SPIRE1: variants seen among roughly 807,000 people sequenced by gnomAD.
The protein encoded by SPIRE1 is spire type actin nucleation factor 1.
SPIRE1 carries 40 observed loss-of-function variants against 94.1 expected under a neutral mutation model. That is an observed-to-expected ratio of 0.43 (90% CI 0.33 to 0.55). SPIRE1 has a LOEUF of 0.55. SPIRE1 is among the 20% of genes least tolerant of loss of function. The pLI, the probability that SPIRE1 is intolerant of heterozygous loss-of-function variation, is 0.06. For missense variants in SPIRE1, 838 were observed against 975.2 expected (o/e 0.86, Z 1.87); for synonymous variants, 376 against 371.7 (o/e 1.01, Z -0.13).
intron 9 of SPIRE1, among the ~76,000 whole-genome samples, 165 bp downstream of exon 9, chr18:12,485,794 T>C (rs565888760): frequency 6.6e-6 from 1 of 152,280 alleles, no homozygotes; most frequent in South Asian, 2.1e-4. Flanking sequence ...CTTTTTTACA[T>C]ATATTGTTTT....
chr18:12,573,359 A>T (rs572408344), intron 2 of SPIRE1, among the ~76,000 whole-genome samples: 154 of 152,330 alleles, frequency 1.0e-3, no homozygotes, highest in African/African-American at 3.6e-3. Context: ...GTGGAGCAAT[A>T]GGAACTCTCA....
chr18:12,625,001 T>C (rs868423653), intron 2 of SPIRE1, among the ~76,000 whole-genome samples: 2 of 140,158 alleles, frequency 1.4e-5, no homozygotes, highest in South Asian at 2.2e-4. Flanking sequence ...TGTCCCCTGA[T>C]AGACATCTAT....
rs2031376162 is a variant in SPIRE1 at position 12,453,933 on chromosome 18, C to T, written c.1776+413G>A. The stretch of plus-strand genomic sequence containing the variant: ...CCGAGTAGCTGGGATTACAGGCACG[C>T]ACCACCATGCCCAGCTAATTTTTGC... On this transcript the variant is annotated intron_variant, in intron 13 of 16. Transcript: ENST00000409402. Among the ~76,000 whole-genome samples, 3 of 151,936 alleles carry T rather than the reference C, an allele frequency of 2.0e-5. No individual in the cohort carries two copies. The South Asian group carries it at 6.2e-4, about 32-fold the overall frequency.
intron 13 of SPIRE1, 31 bp from the exon 14 acceptor site, chr18:12,453,169 A>AG (rs1218517921): frequency 6.7e-7 from 1 of 1,492,332 alleles, no homozygotes; most frequent in Non-Finnish European, 9.2e-7. Context: ...AGGAAAAAAA[A>AG]CATTGCCAAC....
At chr18:12,633,694 A>C (rs2037842124) in intron 2 of SPIRE1, among the ~76,000 whole-genome samples, 1 of 152,222 alleles carries the variant, frequency 6.6e-6, no homozygotes. Flanking sequence ...TTAAAACAAC[A>C]GTTAAAACTT....
intron 12 of SPIRE1, among the ~76,000 whole-genome samples, chr18:12,460,934 T>C (rs1335011589): frequency 6.6e-6 from 1 of 152,222 alleles, no homozygotes; most frequent in Admixed American, 6.5e-5. Flanking sequence ...TCGTCTCTGC[T>C]GGTGCTTGGA....
At chr18:12,659,585 G>T (rs912086392), upstream of SPIRE1, among the ~76,000 whole-genome samples, 8 of 152,032 alleles carry the variant, frequency 5.3e-5, no homozygotes, top group African/African-American at 1.9e-4. Flanking sequence ...CAGGAGAATC[G>T]CTTGAACCTG....
At chr18:12,517,085 T>C (rs867253784) in intron 4 of SPIRE1, among the ~76,000 whole-genome samples, 30 of 152,364 alleles carry the variant, frequency 2.0e-4, no homozygotes, top group African/African-American at 7.0e-4. Context: ...TTTGATTTTC[T>C]CATATATTAA....
intron 10 of SPIRE1, among the ~76,000 whole-genome samples, chr18:12,466,102 G>T (rs968540106): frequency 9.9e-5 from 15 of 150,930 alleles, no homozygotes; most frequent in Admixed American, 7.3e-4. Context: ...AAAAGAAAAA[G>T]AAAAAGAAAA....
chr18:12,534,471 T>C (rs987477119), intron 4 of SPIRE1, among the ~76,000 whole-genome samples: 1 of 152,218 alleles, frequency 6.6e-6, no homozygotes, highest in Non-Finnish European at 1.5e-5. Flanking sequence ...TATATTTAGA[T>C]GAATGTGTTA....
intron 1 of SPIRE1, among the ~76,000 whole-genome samples, chr18:12,645,300 T>A (rs144771927): frequency 5.9e-5 from 9 of 152,236 alleles, no homozygotes; most frequent in African/African-American, 2.2e-4. Context: ...CAAAGGAGCT[T>A]GGTGGGAATC....
chr18:12,527,925 G>A (rs2034571396), intron 4 of SPIRE1, among the ~76,000 whole-genome samples: 2 of 152,028 alleles, frequency 1.3e-5, no homozygotes, highest in South Asian at 4.1e-4. Context: ...AATTAGCCGG[G>A]CGTGGTGGCG....
At chr18:12,626,439 A>G (rs1327952389) in intron 2 of SPIRE1, among the ~76,000 whole-genome samples, 1 of 152,208 alleles carries the variant, frequency 6.6e-6, no homozygotes, top group Non-Finnish European at 1.5e-5. Context: ...CCTACAGTAC[A>G]GACCCTGTCC....
chr18:12,588,937 GT>G (rs2036458659), intron 2 of SPIRE1, among the ~76,000 whole-genome samples: 1 of 152,110 alleles, frequency 6.6e-6, no homozygotes, highest in Non-Finnish European at 1.5e-5. Context: ...ATTCCGTGTG[GT>G]CAGAGACATG....
intron 2 of SPIRE1, among the ~76,000 whole-genome samples, chr18:12,613,850 C>T (rs1464936745): frequency 2.0e-5 from 3 of 152,208 alleles, no homozygotes; most frequent in Non-Finnish European, 4.4e-5. Context: ...AAGATTGTGC[C>T]ACTACACTCC....
At chr18:12,521,682 C>T (rs1223122040) in intron 4 of SPIRE1, among the ~76,000 whole-genome samples, 1 of 152,096 alleles carries the variant, frequency 6.6e-6, no homozygotes, top group Non-Finnish European at 1.5e-5. Flanking sequence ...ACCCTGAGTT[C>T]GGCAAATCTA....
intron 2 of SPIRE1, among the ~76,000 whole-genome samples, chr18:12,584,566 A>G (rs755189687): frequency 1.3e-5 from 2 of 152,200 alleles, no homozygotes; most frequent in Non-Finnish European, 2.9e-5. Flanking sequence ...AATTTTACCT[A>G]AAACAGGCAG....
intron 2 of SPIRE1, among the ~76,000 whole-genome samples, chr18:12,620,613 T>C (rs1040847241): frequency 6.6e-6 from 1 of 152,178 alleles, no homozygotes; most frequent in Admixed American, 6.5e-5. Flanking sequence ...CATAAAAGTA[T>C]GAAGTTAGAT....
chr18:12,509,927 A>G (rs1360090760), intron 5 of SPIRE1, among the ~76,000 whole-genome samples: 3 of 152,038 alleles, frequency 2.0e-5, no homozygotes, highest in African/African-American at 7.2e-5. Flanking sequence ...TCTACTAAAA[A>G]TACAAAAATT....
Sources: allele counts gnomAD v4.1 joint callset (sites outside exome capture counted in the v4.1 genomes callset), GRCh38; gene constraint gnomAD v4.1.1; transcripts MANE v1.5; gene names NCBI Gene and HGNC (gene_info 2026-07-23, HGNC 2026-07-21).